The following TTC6 variants were observed in gnomAD, a reference collection of about 807,000 sequenced individuals.
The protein encoded by TTC6 is tetratricopeptide repeat protein 6.
A neutral mutation model predicts 210.4 loss-of-function variants in TTC6; 172 were observed. That is an observed-to-expected ratio of 0.82 (90% CI 0.72 to 0.93). The LOEUF is 0.93. Ranked by LOEUF, TTC6 falls within the 40% of genes least tolerant of loss-of-function variation. The pLI is 0.00. For missense variants in TTC6, 2,414 were observed against 2,318.1 expected, an observed-to-expected ratio of 1.04 and a Z score of -0.85; for synonymous variants, 804 against 819.6, an observed-to-expected ratio of 0.98 and a Z score of 0.32.
At chr14:37,783,467 G>A (rs2096060272) in intron 14 of TTC6, among the ~76,000 whole-genome samples, 1 of 151,908 alleles carries the variant, frequency 6.6e-6, no homozygotes, top group East Asian at 1.9e-4. Context: ...CTGTGGGATT[G>A]GTGGTGATAT....
chr14:37,807,259 G>A lies in TTC6; in HGVS notation c.4315-61G>A, dbSNP rs2096120279. The A allele has an allele frequency of 3.7e-6, 5 of 1,368,136 alleles. No individual in the cohort carries two copies. The Middle Eastern group carries it at 6.3e-4, about 172-fold the overall frequency. 84.7% of individuals were successfully genotyped at this position (1,368,136 alleles called of 1,614,324 possible). A position where few individuals can be genotyped will look rare whatever the true frequency, so the allele number is the denominator to read the frequency against. On this transcript the variant is annotated intron_variant, in intron 22 of 30. Transcript: ENST00000553443. ...ATTTGTTCCAAGTAGCATATATTTT[G>A]GTAGAATTGGTGCTTTTACTAAAGC...
chr14:37,632,511 T>C (rs1490382887), intron 1 of TTC6, among the ~76,000 whole-genome samples: 1 of 152,180 alleles, frequency 6.6e-6, no homozygotes, highest in Non-Finnish European at 1.5e-5. Context: ...GAGGTGCACC[T>C]GCCAAATGCC....
chr14:37,749,574 T>C (rs2095945775), intron 11 of TTC6, 140 bp from the exon 14 acceptor site: 2 of 1,033,112 alleles, frequency 1.9e-6, no homozygotes, highest in East Asian at 3.0e-5. Flanking sequence ...ACATGATTTT[T>C]GTTTGTCAGA....
intron 1 of TTC6, among the ~76,000 whole-genome samples, chr14:37,605,584 A>G (rs1474402071): frequency 1.3e-5 from 2 of 152,196 alleles, no homozygotes; most frequent in Admixed American, 1.3e-4. Flanking sequence ...TTTTCTAAGC[A>G]TAAACCAGGC....
intron 14 of TTC6, among the ~76,000 whole-genome samples, chr14:37,785,264 A>G (rs1224841023): frequency 6.6e-6 from 1 of 152,162 alleles, no homozygotes; most frequent in Non-Finnish European, 1.5e-5. Flanking sequence ...TACACCAATC[A>G]GACATAGATT....
At chr14:37,673,297 T>C (rs1277506430) in intron 1 of TTC6, among the ~76,000 whole-genome samples, 1 of 152,172 alleles carries the variant, frequency 6.6e-6, no homozygotes, top group African/African-American at 2.4e-5. Flanking sequence ...AGAAAGTTAA[T>C]GCAGATCAGG....
chr14:37,770,414 C>T (rs1474844951), intron 14 of TTC6, among the ~76,000 whole-genome samples: 2 of 152,016 alleles, frequency 1.3e-5, no homozygotes, highest in African/African-American at 2.4e-5. Flanking sequence ...GTTAAAGTCT[C>T]CCATTATTAA....
chr14:37,727,865 T>G (rs2095876829), intron 7 of TTC6, among the ~76,000 whole-genome samples: 1 of 152,208 alleles, frequency 6.6e-6, no homozygotes, highest in Non-Finnish European at 1.5e-5. Flanking sequence ...AATATATTCT[T>G]CAAAATACCA....
intron 1 of TTC6, among the ~76,000 whole-genome samples, chr14:37,604,496 G>T (rs889331724): frequency 1.3e-5 from 2 of 152,078 alleles, no homozygotes; most frequent in African/African-American, 4.8e-5. Context: ...CCAAGAGTCT[G>T]CCTGTGCCTT....
intron 10 of TTC6, among the ~76,000 whole-genome samples, chr14:37,741,845 A>C (rs1163630812): frequency 6.6e-6 from 1 of 152,086 alleles, no homozygotes. Flanking sequence ...CTCCTCAGCT[A>C]GGTCATGGTA....
chr14:37,821,867 G>A (rs954435501), intron 26 of TTC6, among the ~76,000 whole-genome samples: 4 of 132,524 alleles, frequency 3.0e-5, no homozygotes, highest in African/African-American at 1.2e-4. Context: ...TGCAACCTCC[G>A]CCTTCCAGTT....
At chr14:37,740,627 A>G (rs946139473) in intron 10 of TTC6, among the ~76,000 whole-genome samples, 3 of 152,216 alleles carry the variant, frequency 2.0e-5, no homozygotes, top group Non-Finnish European at 2.9e-5. Context: ...ACAGAGGCCA[A>G]CCATAGCGGA....
At chr14:37,803,277 T>C (rs1262399321) in intron 20 of TTC6, among the ~76,000 whole-genome samples, 1 of 152,218 alleles carries the variant, frequency 6.6e-6, no homozygotes, top group Non-Finnish European at 1.5e-5. Flanking sequence ...TAGATACTTC[T>C]CAAATCCACT....
chr14:37,695,791 T>G (rs2095813687), intron 3 of TTC6, among the ~76,000 whole-genome samples: 1 of 151,676 alleles, frequency 6.6e-6, no homozygotes, highest in Non-Finnish European at 1.5e-5. Flanking sequence ...CATGCCTGTA[T>G]GAAAACACTT....
At chr14:37,782,194 T>C (rs2096056811) in intron 14 of TTC6, among the ~76,000 whole-genome samples, 1 of 152,158 alleles carries the variant, frequency 6.6e-6, no homozygotes, top group African/African-American at 2.4e-5. Flanking sequence ...GGGGATGGCA[T>C]TGAATCTATA....
At chr14:37,652,933 A>G (rs968471631) in intron 1 of TTC6, among the ~76,000 whole-genome samples, 1 of 152,188 alleles carries the variant, frequency 6.6e-6, no homozygotes, top group Non-Finnish European at 1.5e-5. Context: ...GCTTTTTCCT[A>G]TACAGTTCAT....
upstream of TTC6, among the ~76,000 whole-genome samples, chr14:37,619,154 T>C (rs17179288): frequency 0.2 from 30,823 of 152,086 alleles, 3,403 homozygotes; most frequent in South Asian, 0.26. Context: ...TCCTATGGCC[T>C]GGAAAACTGG....
upstream of TTC6, among the ~76,000 whole-genome samples, chr14:37,618,975 A>G (rs2095646951): frequency 6.6e-6 from 1 of 152,146 alleles, no homozygotes; most frequent in African/African-American, 2.4e-5. Flanking sequence ...TCCAGTTACT[A>G]CCTTTCAACC....
chr14:37,839,108 C>T (rs897840420), intron 29 of TTC6, among the ~76,000 whole-genome samples: 16 of 152,212 alleles, frequency 1.1e-4, no homozygotes, highest in South Asian at 2.1e-4. Flanking sequence ...AATAAACATA[C>T]GTGTGCATGT....
Sources: gnomAD v4.1 joint callset for allele counts (sites outside exome capture counted in the v4.1 genomes callset) on GRCh38, gnomAD v4.1.1 for gene constraint, MANE v1.5 for transcripts, NCBI Gene and HGNC (gene_info 2026-07-23, HGNC 2026-07-21) for gene names.